The following SLCO3A1 variants were observed in gnomAD, a reference collection of about 807,000 sequenced individuals.
The protein encoded by SLCO3A1 is solute carrier organic anion transporter family member 3A1.
In SLCO3A1, 27 loss-of-function variants were observed where a neutral mutation model predicts 63.1. The observed-to-expected ratio is 0.43, with a 90% CI of 0.32 to 0.59. SLCO3A1 has a LOEUF of 0.59. Ranked by LOEUF, SLCO3A1 falls within the 20% of genes least tolerant of loss-of-function variation. The pLI is 0.09. For missense variants in SLCO3A1, 773 were observed against 945.8 expected (o/e 0.82, Z 2.40); for synonymous variants, 473 against 409.9 (o/e 1.15, Z -1.86).
rs1555424387 is a variant in SLCO3A1 at position 92,016,209 on chromosome 15, A to ATAGAT, written c.647-78671_647-78667dup. Among the ~76,000 whole-genome samples, 10 of 67,962 alleles carry ATAGAT rather than the reference A, an allele frequency of 1.5e-4. No individual in the cohort carries two copies. The South Asian group carries it at 4.8e-3, about 33-fold the overall frequency. 44.6% of individuals were successfully genotyped at this position (67,962 alleles called of 152,430 possible). On this transcript the variant is annotated intron_variant, in intron 2 of 9. Transcript: ENST00000318445. ...ATTTGTTGTATATATATTTATATAG[A>ATAGAT]TAGATAGATAGATAGATAGATAGAT... is the stretch of plus-strand genomic sequence containing the variant.
At position 92,094,875 on chromosome 15, in the gene SLCO3A1, C is replaced by T. The variant is rs2047518985; in HGVS notation, c.647-6C>T. 1.2e-6 allele frequency: 2 copies of T among 1,603,266 alleles called. No individual in the cohort carries two copies. Among genetic ancestry groups the T allele is most frequent in the Admixed American group, 1.7e-5 (1 of 59,610 alleles). On this transcript the variant is annotated splice_polypyrimidine_tract_variant and splice_region_variant and intron_variant, in intron 2 of 9. Transcript: ENST00000318445. ...GTAATCTATTTTTTTCTTCATCTTC[C>T]TTCAGGAATCCTGTTCACGATGCTG...
At position 92,069,101 on chromosome 15, in the gene SLCO3A1, C is replaced by CGT. The variant is rs1206608746; in HGVS notation, c.647-25780_647-25779insGT. 3.8e-4 allele frequency among the ~76,000 whole-genome samples: 52 copies of CGT among 138,202 alleles called. 1 individual carries two copies. Among genetic ancestry groups the CGT allele is most frequent in the Admixed American group, 3.3e-3 (46 of 14,066 alleles). 90.7% of individuals were successfully genotyped at this position (138,202 alleles called of 152,430 possible). ...CTCATTCAAGGGCTCCCCCCGCCCC[C>CGT]CCCCCGCCACCCCCCACTCCCCCCA... On this transcript the variant is annotated intron_variant, in intron 2 of 9. Coordinates refer to ENST00000318445, the MANE Select transcript of SLCO3A1 (RefSeq NM_013272.4).
At chr15:91,870,040 G>A (rs1436694533) in intron 1 of SLCO3A1, among the ~76,000 whole-genome samples, 2 of 152,288 alleles carry the variant, frequency 1.3e-5, no homozygotes, top group South Asian at 4.1e-4. Flanking sequence ...TGTGAATCGA[G>A]TAAGTTGCCA....
At chr15:92,029,414 A>T (rs1310615696) in intron 2 of SLCO3A1, among the ~76,000 whole-genome samples, 2 of 152,336 alleles carry the variant, frequency 1.3e-5, no homozygotes, top group Middle Eastern at 3.4e-3. Flanking sequence ...ACCAGAGACT[A>T]TTCCCAGGCT....
At chr15:91,974,171 A>T (rs1316263934) in intron 2 of SLCO3A1, among the ~76,000 whole-genome samples, 1 of 152,090 alleles carries the variant, frequency 6.6e-6, no homozygotes. Context: ...CTGGGGTCCA[A>T]CAGTAAGGAT....
chr15:92,095,513 T>C (rs766581205), intron 3 of SLCO3A1, among the ~76,000 whole-genome samples: 7 of 152,200 alleles, frequency 4.6e-5, no homozygotes, highest in Non-Finnish European at 7.3e-5. Context: ...TTCAAAACCA[T>C]TTTAAGCAGA....
chr15:92,068,154 C>A (rs547225533), intron 2 of SLCO3A1, among the ~76,000 whole-genome samples: 25 of 152,170 alleles, frequency 1.6e-4, no homozygotes, highest in African/African-American at 5.8e-4. Flanking sequence ...AATAATACTG[C>A]CAAGCGAAAT....
intron 2 of SLCO3A1, among the ~76,000 whole-genome samples, chr15:92,029,320 T>G (rs1029355937): frequency 1.3e-5 from 2 of 152,210 alleles, no homozygotes; most frequent in Non-Finnish European, 1.5e-5. Context: ...TGTTTTGCCT[T>G]CCCAGCCAGG....
chr15:92,162,565 T>C, intron 9 of SLCO3A1, 191 bp from the exon 10 acceptor site: 1 of 873,740 alleles, frequency 1.1e-6, no homozygotes, highest in Non-Finnish European at 1.7e-6. Context: ...AATAACTTGC[T>C]CAGATTTGTA....
At chr15:92,029,376 G>A (rs2151478233) in intron 2 of SLCO3A1, among the ~76,000 whole-genome samples, 1 of 152,300 alleles carries the variant, frequency 6.6e-6, no homozygotes, top group African/African-American at 2.4e-5. Context: ...CTTTGCTCTG[G>A]GGATTAAAGA....
rs2047113259 is a variant in SLCO3A1, at chr15:92,063,666, A to AT, written c.647-31214dup. Among the ~76,000 whole-genome samples, 2 of 152,166 alleles carry AT rather than the reference A, an allele frequency of 1.3e-5. 1 individual carries two copies. The highest frequency in any genetic ancestry group is 2.9e-5 in the Non-Finnish European group (2 of 68,022). On this transcript the variant is annotated intron_variant, in intron 2 of 9. Transcript: ENST00000318445. ...GGAGTTTGAGACCAGCCTGACCAAT[A>AT]TGGTGGAACCCTGTCTCTACTAAAA... is the stretch of plus-strand genomic sequence containing the variant.
intron 2 of SLCO3A1, among the ~76,000 whole-genome samples, chr15:91,970,887 TTGTGTG>T (rs138215344): frequency 2.0e-5 from 3 of 150,874 alleles, no homozygotes; most frequent in Non-Finnish European, 4.4e-5. Flanking sequence ...GTGTGTGTGT[TTGTGTG>T]TGTGTGTGTG....
chr15:92,057,482 A>C (rs770478697), intron 2 of SLCO3A1, among the ~76,000 whole-genome samples: 13 of 152,196 alleles, frequency 8.5e-5, no homozygotes, highest in Non-Finnish European at 5.9e-5. Context: ...TTCACTCCCA[A>C]CATGGAGAGG....
At position 91,885,283 on chromosome 15, in the gene SLCO3A1, C is replaced by T. The variant is rs1465847584; in HGVS notation, c.181-30710C>T. Among the ~76,000 whole-genome samples the T allele has an allele frequency of 6.6e-6, 1 of 152,204 alleles. No individual in the cohort carries two copies. Among genetic ancestry groups the T allele is most frequent in the Non-Finnish European group, 1.5e-5 (1 of 68,038 alleles). On this transcript the variant is annotated intron_variant, in intron 1 of 9. Transcript: ENST00000318445. The surrounding 1 kb of genome is among the most constrained non-coding windows in gnomAD (Gnocchi z 4.7). Reference sequence around the variant, plus strand: ...CCATCTTCCTTCTCCAGGGCTACCTCCTGAGGGCTCACTCCTTAAAGGCAG... The same window carrying T: ...CCATCTTCCTTCTCCAGGGCTACCTTCTGAGGGCTCACTCCTTAAAGGCAG...
intron 2 of SLCO3A1, among the ~76,000 whole-genome samples, chr15:92,030,555 A>G (rs190455950): frequency 1.3e-5 from 2 of 152,306 alleles, no homozygotes; most frequent in Non-Finnish European, 1.5e-5. Flanking sequence ...ACTTTGAAGA[A>G]CTCTGCCCTA....
chr15:92,084,753 C>T (rs77084603), intron 2 of SLCO3A1, among the ~76,000 whole-genome samples: 1,884 of 152,300 alleles, frequency 0.012, 17 homozygotes, highest in Non-Finnish European at 0.02. Flanking sequence ...GGCTGTTCAA[C>T]GCAGGAGCCA....
intron 2 of SLCO3A1, among the ~76,000 whole-genome samples, chr15:91,944,181 C>G (rs80085485): frequency 7.4e-4 from 113 of 152,226 alleles, no homozygotes; most frequent in African/African-American, 2.4e-3. Context: ...AAAACAGCCA[C>G]TGGCACATAG....
intron 9 of SLCO3A1, among the ~76,000 whole-genome samples, chr15:92,155,667 A>C (rs1004651723): frequency 1.3e-5 from 2 of 152,180 alleles, no homozygotes; most frequent in Non-Finnish European, 2.9e-5. Context: ...CCACCAGCAA[A>C]GCAGTGGGTT....
downstream of SLCO3A1, among the ~76,000 whole-genome samples, chr15:92,167,652 T>C (rs959154013): frequency 6.6e-6 from 1 of 152,156 alleles, no homozygotes; most frequent in East Asian, 1.9e-4. Flanking sequence ...CTCTCACTGG[T>C]GGAAGATGCA....
Sources: gnomAD v4.1 joint callset for allele counts (sites outside exome capture counted in the v4.1 genomes callset) on GRCh38, gnomAD v4.1.1 for gene constraint, Gnocchi (gnomAD v3.1) non-coding constraint, MANE v1.5 for transcripts, NCBI Gene and HGNC (gene_info 2026-07-23, HGNC 2026-07-21) for gene names.